NTM: variants seen among roughly 807,000 people sequenced by gnomAD.
The protein encoded by NTM is neurotrimin.
A neutral mutation model predicts 42.1 loss-of-function variants in NTM; 13 were observed. The ratio of observed to expected loss-of-function variants is 0.31; its 90% CI spans 0.20 to 0.49. NTM has a LOEUF of 0.49. Ranked by LOEUF, NTM falls within the 20% of genes least tolerant of loss-of-function variation. The probability of loss-of-function intolerance (pLI) is 0.99; values close to 1 mark genes in which losing one functional copy is unlikely to be tolerated. For missense variants in NTM, 373 were observed against 452.8 expected, an observed-to-expected ratio of 0.82 and a Z score of 1.60; for synonymous variants, 187 against 179.2, an observed-to-expected ratio of 1.04 and a Z score of -0.35.
chr11:131,934,479 T>C (rs375127545), intron 2 of NTM, among the ~76,000 whole-genome samples: 2 of 152,232 alleles, frequency 1.3e-5, no homozygotes, highest in East Asian at 3.8e-4. Flanking sequence ...CATTCATTCA[T>C]TCATTGAAAT....
intron 1 of NTM, chr11:131,911,143 G>T: frequency 7.8e-7 from 1 of 1,274,620 alleles, no homozygotes; most frequent in East Asian, 3.8e-5. Context: ...AACTGCCGCT[G>T]GGAAGAAGCG....
intron 1 of NTM, among the ~76,000 whole-genome samples, chr11:131,552,110 C>T (rs1054739954): frequency 6.6e-6 from 1 of 151,934 alleles, no homozygotes; most frequent in Admixed American, 6.6e-5. Flanking sequence ...TAAAAAGGCA[C>T]ACCCACCAGA....
chr11:131,867,515 G>A (rs1040157023), intron 1 of NTM, among the ~76,000 whole-genome samples: 4 of 151,722 alleles, frequency 2.6e-5, no homozygotes, highest in East Asian at 1.9e-4. Flanking sequence ...GTGTGTACAC[G>A]TGTGTATTGT....
intron 3 of NTM, among the ~76,000 whole-genome samples, chr11:132,173,812 C>A (rs987716683): frequency 4.1e-4 from 62 of 152,322 alleles, no homozygotes; most frequent in African/African-American, 1.3e-3. Context: ...TGCTTCCACT[C>A]TCTTGTTCTT....
At chr11:131,678,633 G>A (rs1313661289) in intron 1 of NTM, among the ~76,000 whole-genome samples, 1 of 152,196 alleles carries the variant, frequency 6.6e-6, no homozygotes, top group African/African-American at 2.4e-5. Context: ...GTTCCTCAAG[G>A]GCATTGCTCT....
chr11:131,956,800 G>A (rs762993830), intron 2 of NTM, among the ~76,000 whole-genome samples: 1 of 152,118 alleles, frequency 6.6e-6, no homozygotes, highest in Non-Finnish European at 1.5e-5. Context: ...CTCTGTTTTT[G>A]TGGGACAGCA....
intron 1 of NTM, among the ~76,000 whole-genome samples, chr11:131,407,974 G>A (rs759264711): frequency 5.9e-5 from 9 of 152,210 alleles, no homozygotes; most frequent in East Asian, 1.9e-4. Context: ...TGGTTACTCC[G>A]AAAGTAGCGC....
chr11:131,532,215 T>C (rs1331944284), intron 1 of NTM, among the ~76,000 whole-genome samples: 1 of 152,192 alleles, frequency 6.6e-6, no homozygotes, highest in Non-Finnish European at 1.5e-5. Flanking sequence ...TACATCCCCA[T>C]TAAACAAGAA....
chr11:131,774,161 C>T (rs2086593161), intron 1 of NTM: 25 of 974,654 alleles, frequency 2.6e-5, no homozygotes, highest in Non-Finnish European at 3.0e-5. Flanking sequence ...GGAAACCCAT[C>T]AGCTCTAAGA....
chr11:131,765,574 T>A (rs536261273), intron 1 of NTM, among the ~76,000 whole-genome samples: 1 of 152,334 alleles, frequency 6.6e-6, no homozygotes, highest in South Asian at 2.1e-4. Context: ...TTAGTACATG[T>A]CCTACTTATC....
At chr11:131,711,361 C>A (rs577377364) in intron 1 of NTM, among the ~76,000 whole-genome samples, 2 of 152,086 alleles carry the variant, frequency 1.3e-5, no homozygotes, top group Admixed American at 1.3e-4. Context: ...ATTTATGCAG[C>A]CAAAAAACAC....
At chr11:131,765,996 A>G (rs1591688567) in intron 1 of NTM, among the ~76,000 whole-genome samples, 1 of 152,196 alleles carries the variant, frequency 6.6e-6, no homozygotes, top group Admixed American at 6.5e-5. Flanking sequence ...TCTTTGTATC[A>G]CAAATTCTAG....
chr11:131,704,693 G>C (rs2076413382), intron 1 of NTM, among the ~76,000 whole-genome samples: 1 of 152,108 alleles, frequency 6.6e-6, no homozygotes, highest in African/African-American at 2.4e-5. Context: ...TCTTAAAGAA[G>C]TGCAGTGAGC....
chr11:131,776,390 G>A (rs1398351571), intron 1 of NTM, among the ~76,000 whole-genome samples: 5 of 152,162 alleles, frequency 3.3e-5, no homozygotes, highest in Admixed American at 2.0e-4. Context: ...ACATATGCTA[G>A]CATTCTGGCT....
At chr11:131,763,867 A>G (rs561180807) in intron 1 of NTM, among the ~76,000 whole-genome samples, 87 of 151,444 alleles carry the variant, frequency 5.7e-4, no homozygotes, top group South Asian at 2.1e-4. Context: ...TTAGCCTTCA[A>G]TGTTTTCATT....
chr11:132,015,600 G>A (rs1057006867), intron 2 of NTM, among the ~76,000 whole-genome samples: 2 of 149,450 alleles, frequency 1.3e-5, no homozygotes, highest in African/African-American at 4.9e-5. Context: ...CCTTGTAGAC[G>A]TCTTTTACCT....
intron 1 of NTM, among the ~76,000 whole-genome samples, chr11:131,788,045 A>T (rs978078445): frequency 1.3e-5 from 2 of 152,110 alleles, no homozygotes; most frequent in Admixed American, 6.5e-5. Context: ...TTTCTTCTTC[A>T]TCAGACTCAC....
intron 1 of NTM, among the ~76,000 whole-genome samples, chr11:131,806,085 A>G (rs533323095): frequency 6.6e-6 from 1 of 152,222 alleles, no homozygotes; most frequent in Non-Finnish European, 1.5e-5. Context: ...TTATATAAGC[A>G]TGAAAACATG....
At chr11:131,901,552 A>C (rs2137717336) in intron 1 of NTM, among the ~76,000 whole-genome samples, 1 of 152,258 alleles carries the variant, frequency 6.6e-6, no homozygotes, top group South Asian at 2.1e-4. Flanking sequence ...GATTTGTCCT[A>C]GCAACTGTCC....
Sources: gnomAD v4.1 joint callset for allele counts (sites outside exome capture counted in the v4.1 genomes callset) on GRCh38, gnomAD v4.1.1 for gene constraint, MANE v1.5 for transcripts, NCBI Gene and HGNC (gene_info 2026-07-23, HGNC 2026-07-21) for gene names.